Variants in SKI observed in about 807,000 individuals in gnomAD.
SKI encodes SKI proto-oncogene, also known as ski oncogene.
In SKI, 23 loss-of-function variants were observed where a neutral mutation model predicts 59.3. That is an observed-to-expected ratio of 0.39 (90% CI 0.28 to 0.55). The LOEUF is 0.55. Among genes scored for constraint, SKI ranks in the 20% least tolerant of loss-of-function variants. The pLI is 0.67. For synonymous variants in SKI, 673 were observed against 488.6 expected (o/e 1.38, Z -4.98); for missense variants, 1,017 against 1,038.9 (o/e 0.98, Z 0.29).
chr1:2,294,130 G>A (rs1022677297), intron 1 of SKI, among the ~76,000 whole-genome samples: 4 of 152,162 alleles, frequency 2.6e-5, no homozygotes, highest in African/African-American at 7.2e-5. Context: ...TGATAGGTGC[G>A]GCAGCTTCCT....
At chr1:2,253,271 CGGGCTCCAGAGCACCCAGGTTGGTATCAT>C (rs1402683285) in intron 1 of SKI, among the ~76,000 whole-genome samples, 2 of 152,010 alleles carry the variant, frequency 1.3e-5, no homozygotes. Context: ...GCCGGTATCA[CGGGCTCCAGAGCACCCAGGTTGGTATCAT>C]GGGCTCCAGA....
At chr1:2,294,883 C>T (rs554381954) in intron 1 of SKI, among the ~76,000 whole-genome samples, 1 of 152,360 alleles carries the variant, frequency 6.6e-6, no homozygotes, top group East Asian at 1.9e-4. Context: ...CTGCCATCCC[C>T]TGTGCCTGGG....
At chr1:2,294,382 C>G (rs892884325) in intron 1 of SKI, among the ~76,000 whole-genome samples, 12 of 152,272 alleles carry the variant, frequency 7.9e-5, no homozygotes, top group Non-Finnish European at 1.2e-4. Context: ...TGGCTGCTCT[C>G]CTCAACAAGC....
chr1:2,283,133 T>C (rs1429522358), intron 1 of SKI, among the ~76,000 whole-genome samples: 1 of 152,204 alleles, frequency 6.6e-6, no homozygotes, highest in African/African-American at 2.4e-5. Flanking sequence ...CAACCGCCTT[T>C]GTCGGGGATC....
chr1:2,288,845 C>T (rs1056797142), intron 1 of SKI, among the ~76,000 whole-genome samples: 1 of 152,090 alleles, frequency 6.6e-6, no homozygotes, highest in African/African-American at 2.4e-5. Context: ...TCCTTTGATC[C>T]CCTCTTCCAA....
At chr1:2,300,718 A>AT in intron 1 of SKI, among the ~76,000 whole-genome samples, 1 of 152,284 alleles carries the variant, frequency 6.6e-6, no homozygotes, top group Non-Finnish European at 1.5e-5. Context: ...GAGTCGCCTG[A>AT]TGAGGGGTCG....
intron 1 of SKI, among the ~76,000 whole-genome samples, chr1:2,287,283 G>A (rs1640059013): frequency 6.6e-6 from 1 of 152,104 alleles, no homozygotes; most frequent in Non-Finnish European, 1.5e-5. Context: ...AAAGATGAGA[G>A]AGTGTTGGCC....
chr1:2,237,782 G>A (rs919495082), intron 1 of SKI, among the ~76,000 whole-genome samples: 3 of 152,260 alleles, frequency 2.0e-5, no homozygotes, highest in Admixed American at 2.0e-4. Flanking sequence ...GAACGTGTCT[G>A]TCCTTAGCGT....
At chr1:2,259,738 T>G (rs1399907480) in intron 1 of SKI, among the ~76,000 whole-genome samples, 2 of 152,172 alleles carry the variant, frequency 1.3e-5, no homozygotes, top group African/African-American at 4.8e-5. Context: ...CAGTCTGCTT[T>G]TGGGCCTGTA....
At chr1:2,283,354 G>C (rs1235579008) in intron 1 of SKI, among the ~76,000 whole-genome samples, 1 of 152,116 alleles carries the variant, frequency 6.6e-6, no homozygotes, top group East Asian at 1.9e-4. Context: ...GCCTCAGGGG[G>C]GGGAGGGCAG....
At chr1:2,279,909 C>T (rs778259788) in intron 1 of SKI, among the ~76,000 whole-genome samples, 12 of 152,122 alleles carry the variant, frequency 7.9e-5, no homozygotes, top group African/African-American at 1.2e-4. Context: ...GCCTGTGATG[C>T]GGTGGTCCTT....
chr1:2,264,967 C>CGGT (rs1569760817), intron 1 of SKI, among the ~76,000 whole-genome samples: 2 of 152,208 alleles, frequency 1.3e-5, no homozygotes, highest in East Asian at 3.9e-4. Context: ...CCCGCCACCA[C>CGGT]GCCTGGCTAA....
At position 2,307,267 on chromosome 1, in the gene SKI, GTC is replaced by G. The variant is rs1640617405; in HGVS notation, c.*504_*505del. On this transcript the variant is annotated 3_prime_UTR_variant, in exon 7 of 7. Transcript: ENST00000378536. The stretch of plus-strand genomic sequence containing the variant: ...AGGACAGCAGGGGTTTTTCTTCAGA[GTC>G]TATTTTTTCAGCGACAAGGACCCAG... 1 of 151,898 alleles carries G rather than the reference GTC, an allele frequency of 6.6e-6. No individual in the cohort carries two copies. The highest frequency in any genetic ancestry group is 1.5e-5 in the Non-Finnish European group (1 of 68,034). The allele number at this position is 151,898 out of a possible 1,614,324, so 9.4% of individuals were successfully genotyped here.
intron 1 of SKI, among the ~76,000 whole-genome samples, chr1:2,247,758 C>T (rs542901379): frequency 6.6e-6 from 1 of 152,372 alleles, no homozygotes; most frequent in South Asian, 2.1e-4. Flanking sequence ...CTTCCTCTTT[C>T]CTGGGCCCCA....
chr1:2,246,091 C>T (rs1043199695), intron 1 of SKI, among the ~76,000 whole-genome samples: 1 of 152,226 alleles, frequency 6.6e-6, no homozygotes, highest in African/African-American at 2.4e-5. Flanking sequence ...CCACCGCATT[C>T]AGCCCGTTTT....
intron 1 of SKI, among the ~76,000 whole-genome samples, chr1:2,293,866 C>G (rs1268551488): frequency 6.6e-6 from 1 of 152,236 alleles, no homozygotes; most frequent in South Asian, 2.1e-4. Flanking sequence ...TTCCCGGAAT[C>G]TGTCGTGGGT....
intron 1 of SKI, among the ~76,000 whole-genome samples, chr1:2,271,022 T>G (rs986622001): frequency 2.6e-5 from 4 of 151,732 alleles, no homozygotes; most frequent in African/African-American, 4.8e-5. Flanking sequence ...CAGTGAGGAG[T>G]GGGCTGGGGC....
intron 1 of SKI, among the ~76,000 whole-genome samples, chr1:2,294,060 AT>A (rs1557845414): frequency 6.6e-6 from 1 of 151,928 alleles, no homozygotes; most frequent in Non-Finnish European, 1.5e-5. Flanking sequence ...CATGTCAGAT[AT>A]TGGAAGGATG....
At chr1:2,283,207 C>T (rs756412179) in intron 1 of SKI, among the ~76,000 whole-genome samples, 42 of 152,362 alleles carry the variant, frequency 2.8e-4, no homozygotes, top group Middle Eastern at 6.8e-3. Flanking sequence ...TGCGCCCCTC[C>T]TATGGGTGAG....
Sources: allele counts gnomAD v4.1 joint callset (sites outside exome capture counted in the v4.1 genomes callset), GRCh38; gene constraint gnomAD v4.1.1; transcripts MANE v1.5; gene names NCBI Gene and HGNC (gene_info 2026-07-23, HGNC 2026-07-21).